The following PLS3 variants were observed in gnomAD, a reference collection of about 807,000 sequenced individuals.
PLS3 encodes the protein plastin-3.
In PLS3, 11 loss-of-function variants were observed where a neutral mutation model predicts 46.5. The ratio of observed to expected loss-of-function variants is 0.24; its 90% CI spans 0.15 to 0.39. The LOEUF (loss-of-function observed/expected upper bound fraction) is 0.39. Among genes scored for constraint, PLS3 ranks in the 10% least tolerant of loss-of-function variants. The probability of loss-of-function intolerance (pLI) is 1.00; values close to 1 mark genes in which losing one functional copy is unlikely to be tolerated. For synonymous variants in PLS3, 167 were observed against 162.2 expected, an observed-to-expected ratio of 1.03 and a Z score of -0.22; for missense variants, 308 against 461.8, an observed-to-expected ratio of 0.67 and a Z score of 3.05.
chrX:115,592,140 A>G (rs1335430456), intron 1 of PLS3, among the ~76,000 whole-genome samples: 4 of 111,802 alleles, frequency 3.6e-5, no homozygotes, highest in Non-Finnish European at 3.8e-5. Flanking sequence ...TCGGTATGCT[A>G]TCATAAAATA....
chrX:115,575,512 C>T (rs1293933232), intron 1 of PLS3, among the ~76,000 whole-genome samples: 2 of 111,974 alleles, frequency 1.8e-5, no homozygotes, highest in African/African-American at 3.3e-5. Context: ...GGCACCATCT[C>T]GGCTCACTGC....
At chrX:115,578,480 C>G (rs2074261030) in intron 1 of PLS3, among the ~76,000 whole-genome samples, 1 of 110,459 alleles carries the variant, frequency 9.1e-6, no homozygotes, top group Admixed American at 9.7e-5. Flanking sequence ...AATCCCAGCA[C>G]TTTGGGAGGC....
intron 1 of PLS3, among the ~76,000 whole-genome samples, chrX:115,597,413 A>T (rs1459763087): frequency 2.7e-5 from 3 of 111,654 alleles, no homozygotes; most frequent in Non-Finnish European, 5.6e-5. Flanking sequence ...GAGTAGACTG[A>T]TGTTTAAGTC....
intron 13 of PLS3, 113 bp from the exon 14 acceptor site, chrX:115,647,437 A>G: frequency 1.2e-6 from 1 of 801,409 alleles, no homozygotes; most frequent in Non-Finnish European, 1.8e-6. Flanking sequence ...CCGTCTCAAA[A>G]AAAAGAAGAA....
chrX:115,612,265 T>G, intron 2 of PLS3, among the ~76,000 whole-genome samples: 1 of 111,758 alleles, frequency 8.9e-6, no homozygotes, highest in East Asian at 2.8e-4. Flanking sequence ...TTTTTGCCAT[T>G]AAATTGTAGC....
chrX:115,591,540 C>T (rs1556633108), intron 1 of PLS3, among the ~76,000 whole-genome samples: 5 of 111,526 alleles, frequency 4.5e-5, no homozygotes, highest in Non-Finnish European at 1.9e-5. Flanking sequence ...AGGGTGGTTA[C>T]GTAGCATTTG....
intron 3 of PLS3, among the ~76,000 whole-genome samples, chrX:115,623,773 A>G (rs1294284009): frequency 9.0e-6 from 1 of 111,643 alleles, no homozygotes; most frequent in Non-Finnish European, 1.9e-5. Flanking sequence ...AAACGATAGC[A>G]TGTACTTCCA....
At chrX:115,570,894 C>CTT (rs369920378) in intron 1 of PLS3, among the ~76,000 whole-genome samples, 9 of 84,332 alleles carry the variant, frequency 1.1e-4, no homozygotes, top group Non-Finnish European at 1.6e-4. Context: ...TTAATTTATT[C>CTT]TTTTTTTTTT....
intron 1 of PLS3, among the ~76,000 whole-genome samples, chrX:115,605,937 T>C (rs1299491086): frequency 1.8e-5 from 2 of 110,175 alleles, no homozygotes; most frequent in Non-Finnish European, 3.8e-5. Flanking sequence ...TCGCAGATTG[T>C]AAATTCCTTG....
chrX:115,564,253 T>C (rs1256340099), intron 1 of PLS3, among the ~76,000 whole-genome samples: 2 of 112,164 alleles, frequency 1.8e-5, no homozygotes, highest in African/African-American at 6.5e-5. Flanking sequence ...ATACAGACGA[T>C]CAACATTGAA....
intron 1 of PLS3, among the ~76,000 whole-genome samples, chrX:115,584,222 T>C (rs1556632161): frequency 8.9e-6 from 1 of 112,228 alleles, no homozygotes. Context: ...GACACTGAGT[T>C]AATTCCTTTA....
intron 2 of PLS3, among the ~76,000 whole-genome samples, chrX:115,621,089 C>T (rs1350910472): frequency 9.1e-6 from 1 of 110,131 alleles, no homozygotes; most frequent in Non-Finnish European, 1.9e-5. Flanking sequence ...TCTTGGCTCA[C>T]TGCAACCTCC....
At chrX:115,566,433 G>A (rs2074172705) in intron 1 of PLS3, among the ~76,000 whole-genome samples, 1 of 16,072 alleles carries the variant, frequency 6.2e-5, no homozygotes, top group African/African-American at 2.0e-4. Flanking sequence ...CGCCCAGGCT[G>A]GAGTGGTGCA....
chrX:115,622,276 A>G lies in PLS3; in HGVS notation c.104A>G (p.Tyr35Cys), dbSNP rs2074663996. Residue 35 changes from tyrosine to cysteine, a missense_variant, in exon 3 of 16, where the codon TAT becomes TGT. Tyr to Cys is a radical substitution (Grantham distance 194, BLOSUM62 -2). Around this residue, in one of 2 missense-constraint regions of PLS3, gnomAD observed 37 missense variants for 26.1 expected, o/e 1.42. Coordinates refer to ENST00000355899, the MANE Select transcript of PLS3 (RefSeq NM_005032.7). ...DLNSNGFICD[Y>C]ELHELFKEAN... is the part of the protein sequence containing the mutation. ...AACAGCAACGGATTCATTTGTGACT[A>G]TGAACTTCATGAGCTCTTCAAGGAA... is the stretch of plus-strand genomic sequence containing the variant. The G allele has an allele frequency of 3.3e-6, 4 of 1,197,374 alleles. No homozygotes were observed. The highest frequency in any genetic ancestry group is 4.5e-6 in the Non-Finnish European group (4 of 886,158).
At chrX:115,587,716 C>G (rs60639354) in intron 1 of PLS3, among the ~76,000 whole-genome samples, 1,735 of 98,201 alleles carry the variant, frequency 0.018, 45 homozygotes, top group African/African-American at 0.063. Flanking sequence ...GCCTGGGCGA[C>G]AGAGCGAGAC....
intron 1 of PLS3, among the ~76,000 whole-genome samples, chrX:115,569,922 G>A (rs2074202253): frequency 9.0e-6 from 1 of 111,419 alleles, no homozygotes; most frequent in African/African-American, 3.3e-5. Context: ...GGTTCCAATA[G>A]CTCTCGCATT....
At chrX:115,628,095 G>C (rs781958923) in intron 3 of PLS3, among the ~76,000 whole-genome samples, 1 of 112,091 alleles carries the variant, frequency 8.9e-6, no homozygotes, top group Non-Finnish European at 1.9e-5. Flanking sequence ...CTTTCGGTCT[G>C]ACACAGTCCT....
chrX:115,642,269 C>T (rs2074906242), intron 9 of PLS3, among the ~76,000 whole-genome samples: 1 of 110,550 alleles, frequency 9.0e-6, no homozygotes, highest in Admixed American at 9.8e-5. Context: ...AAAATCCCTT[C>T]CTTTCGTCCT....
intron 1 of PLS3, among the ~76,000 whole-genome samples, chrX:115,582,810 G>A (rs7056221): frequency 1.6e-4 from 18 of 112,475 alleles, no homozygotes; most frequent in African/African-American, 5.8e-4. Context: ...AGGCCGACGC[G>A]GGCGGATCAC....
Sources: gnomAD v4.1 joint callset for allele counts (sites outside exome capture counted in the v4.1 genomes callset) on GRCh38, gnomAD v4.1.1 for gene constraint, gnomAD v4.1.1 regional missense constraint, MANE v1.5 for transcripts, NCBI Gene and HGNC (gene_info 2026-07-23, HGNC 2026-07-21) for gene names.